ODAD2: variants seen among roughly 807,000 people sequenced by gnomAD.
ODAD2 encodes outer dynein arm-docking complex subunit 2.
In ODAD2, 89 loss-of-function variants were observed where a neutral mutation model predicts 106.8. The observed-to-expected ratio is 0.83, with a 90% CI of 0.70 to 0.99. ODAD2 has a LOEUF of 0.99. Ranked by LOEUF, ODAD2 falls within the 50% of genes least tolerant of loss-of-function variation. The pLI is 0.00. For synonymous variants in ODAD2, 404 were observed against 436.2 expected (o/e 0.93, Z 0.92); for missense variants, 1,168 against 1,238.5 (o/e 0.94, Z 0.85).
chr10:27,894,628 G>A (rs1842750067), intron 17 of ODAD2, among the ~76,000 whole-genome samples: 2 of 151,878 alleles, frequency 1.3e-5, no homozygotes, highest in South Asian at 4.1e-4. Context: ...CCAGGCTTGA[G>A]TGCAGTGGCG....
At chr10:27,991,380 C>G (rs1270552807) in intron 2 of ODAD2, among the ~76,000 whole-genome samples, 3 of 152,064 alleles carry the variant, frequency 2.0e-5, no homozygotes. Context: ...CCCATCTATT[C>G]AATTAATAAC....
rs974717813 is a variant in ODAD2, at chr10:27,851,969, C to T, written c.3021+8656G>A. 2.0e-5 allele frequency among the ~76,000 whole-genome samples: 3 copies of T among 152,082 alleles called. No individual in the cohort carries two copies. In the East Asian group the frequency reaches 5.8e-4, roughly 29 times the overall value. ...TGACATACAGAGGAACAAACATAAGCATGATAACAGATTTCCTCTCTAAAA... is the reference window on the plus strand; with the variant it reads ...TGACATACAGAGGAACAAACATAAGTATGATAACAGATTTCCTCTCTAAAA... On this transcript the variant is annotated intron_variant, in intron 19 of 19. Transcript: ENST00000305242.
intron 19 of ODAD2, among the ~76,000 whole-genome samples, chr10:27,845,297 C>G (rs1838648319): frequency 1.3e-5 from 2 of 152,110 alleles, no homozygotes; most frequent in South Asian, 2.1e-4. Context: ...ATTTTCAACC[C>G]AGAATTTCAT....
intron 17 of ODAD2, among the ~76,000 whole-genome samples, chr10:27,884,979 G>A (rs940580131): frequency 1.3e-5 from 2 of 152,030 alleles, no homozygotes; most frequent in African/African-American, 4.8e-5. Flanking sequence ...AGAAGTGGCT[G>A]TTTCTTTAAA....
chr10:27,990,267 C>T (rs1246854752), intron 2 of ODAD2, among the ~76,000 whole-genome samples: 1 of 152,154 alleles, frequency 6.6e-6, no homozygotes, highest in Non-Finnish European at 1.5e-5. Flanking sequence ...TCTCCCTCAG[C>T]TTCCCAAGCA....
At chr10:27,852,918 G>A (rs555587102) in intron 19 of ODAD2, among the ~76,000 whole-genome samples, 3 of 138,228 alleles carry the variant, frequency 2.2e-5, no homozygotes, top group Non-Finnish European at 3.1e-5. Flanking sequence ...CTGAGATCGC[G>A]CCGTTGCACT....
intron 17 of ODAD2, among the ~76,000 whole-genome samples, chr10:27,872,456 A>C (rs1474563423): frequency 6.6e-6 from 1 of 151,142 alleles, no homozygotes; most frequent in Non-Finnish European, 1.5e-5. Context: ...GAATGCTTCC[A>C]GTTTTTGCCC....
intron 19 of ODAD2, among the ~76,000 whole-genome samples, chr10:27,830,475 C>A (rs1837390559): frequency 6.6e-6 from 1 of 152,154 alleles, no homozygotes; most frequent in African/African-American, 2.4e-5. Context: ...GCTTAATCTT[C>A]CCAGATTTAA....
At position 27,987,419 on chromosome 10, in the gene ODAD2, C is replaced by T. The variant is rs1849940514; in HGVS notation, c.349G>A (p.Gly117Arg). 6.2e-7 allele frequency: 1 copy of T among 1,613,404 alleles called. No homozygotes were observed. Among genetic ancestry groups the T allele is most frequent in the African/African-American group, 1.3e-5 (1 of 74,910 alleles). ...LSRLLLIAKTGKLKEAQACVE... is the reference protein window; with the variant it reads ...LSRLLLIAKTRKLKEAQACVE... ...CATGCTTGGGCTTCCTTCAACTTCC[C>T]AGTTTTGGCAATAAGTAACAAGCGT... The change falls in exon 3 of 20, where the codon GGG becomes AGG. Residue 117 changes from glycine to arginine, a missense_variant. Around this residue, in one of 3 missense-constraint regions of ODAD2, gnomAD observed 430 missense variants for 452.2 expected, o/e 0.95. Coordinates refer to ENST00000305242, the MANE Select transcript of ODAD2 (RefSeq NM_018076.5).
intron 10 of ODAD2, among the ~76,000 whole-genome samples, chr10:27,954,477 G>A (rs910175016): frequency 7.2e-6 from 1 of 139,242 alleles, no homozygotes; most frequent in African/African-American, 2.6e-5. Context: ...TATAGCACAC[G>A]TTCATGAATA....
intron 17 of ODAD2, among the ~76,000 whole-genome samples, chr10:27,873,813 T>G (rs2133469373): frequency 6.6e-6 from 1 of 152,368 alleles, no homozygotes; most frequent in Non-Finnish European, 1.5e-5. Context: ...GATGTGGTGC[T>G]GAGAAGAATG....
At chr10:27,868,537 T>C (rs1441400898) in intron 17 of ODAD2, among the ~76,000 whole-genome samples, 2 of 152,206 alleles carry the variant, frequency 1.3e-5, no homozygotes, top group Non-Finnish European at 2.9e-5. Context: ...TGCAGGGACA[T>C]GGATGAAGCT....
intron 19 of ODAD2, among the ~76,000 whole-genome samples, chr10:27,824,379 AG>A (rs1178364287): frequency 6.6e-6 from 1 of 152,088 alleles, no homozygotes; most frequent in African/African-American, 2.4e-5. Context: ...ATGCTGTTAC[AG>A]GGGGGTTGGG....
intron 10 of ODAD2, 42 bp from the exon 11 acceptor site, chr10:27,945,004 A>ATG (rs1564534078): frequency 3.7e-6 from 6 of 1,606,780 alleles, no homozygotes; most frequent in East Asian, 4.5e-5. Flanking sequence ...GGAACACCGC[A>ATG]TTCCCATAGA....
intron 16 of ODAD2, among the ~76,000 whole-genome samples, chr10:27,924,458 T>A (rs2133995561): frequency 6.7e-6 from 1 of 149,826 alleles, no homozygotes; most frequent in Admixed American, 6.6e-5. Flanking sequence ...GAAAAATAGC[T>A]ACAATATAAA....
chr10:27,842,268 C>A (rs1838360374), intron 19 of ODAD2, among the ~76,000 whole-genome samples: 1 of 152,202 alleles, frequency 6.6e-6, no homozygotes, highest in South Asian at 2.1e-4. Flanking sequence ...CTTGCTCTCT[C>A]TTCCTGAATT....
intron 7 of ODAD2, among the ~76,000 whole-genome samples, chr10:27,979,123 T>A (rs927802772): frequency 6.7e-6 from 1 of 149,182 alleles, no homozygotes; most frequent in Non-Finnish European, 1.5e-5. Context: ...GGCACGAGAA[T>A]CACTTGAACC....
intron 19 of ODAD2, among the ~76,000 whole-genome samples, chr10:27,831,659 T>G (rs151147345): frequency 1.0e-3 from 152 of 152,358 alleles, no homozygotes; most frequent in African/African-American, 3.5e-3. Flanking sequence ...ATGGCCTCCC[T>G]TGGCGTACGT....
At chr10:27,937,377 G>T (rs12762554) in intron 14 of ODAD2, among the ~76,000 whole-genome samples, 1 of 141,478 alleles carries the variant, frequency 7.1e-6, no homozygotes, top group African/African-American at 2.7e-5. Flanking sequence ...TTGCTCTGTC[G>T]CCCAAGGTGG....
Sources: gnomAD v4.1 joint callset for allele counts (sites outside exome capture counted in the v4.1 genomes callset) on GRCh38, gnomAD v4.1.1 for gene constraint, gnomAD v4.1.1 regional missense constraint, MANE v1.5 for transcripts, NCBI Gene and HGNC (gene_info 2026-07-23, HGNC 2026-07-21) for gene names.